LOXHD1: variants seen among roughly 807,000 people sequenced by gnomAD.
LOXHD1 encodes the protein lipoxygenase homology domain-containing protein 1.
A neutral mutation model predicts 248.2 loss-of-function variants in LOXHD1; 205 were observed. That is an observed-to-expected ratio of 0.83 (90% CI 0.74 to 0.93). The LOEUF is 0.93. Ranked by LOEUF, LOXHD1 falls within the 40% of genes least tolerant of loss-of-function variation. The pLI is 0.00. For missense variants in LOXHD1, 2,930 were observed against 2,971.6 expected (o/e 0.99, Z 0.33); for synonymous variants, 1,113 against 1,162.8 (o/e 0.96, Z 0.87).
In LOXHD1 at chr18:46,577,724, C is replaced by A. The variant is rs1204799786; in HGVS notation, c.1953G>T (p.Val651=). Reference sequence around the variant, plus strand: ...GCATGTACCTGAGACATGGGAACTCCACGTTGTCGCTCTCAGGCTGCCCCT... The same window carrying A: ...GCATGTACCTGAGACATGGGAACTCAACGTTGTCGCTCTCAGGCTGCCCCT... The part of the protein sequence containing the change: ...REEGQPESDN[V]EFPCLRWLDK... Residue 651 remains valine, a synonymous_variant, in exon 14 of 41, where the codon GTG becomes GTT. Transcript: ENST00000642948. 1 of 1,551,324 alleles carries A rather than the reference C, an allele frequency of 6.4e-7. No individual in the cohort carries two copies. Among genetic ancestry groups the A allele is most frequent in the Non-Finnish European group, 8.7e-7 (1 of 1,146,806 alleles).
rs1415477162 is a variant in LOXHD1, at chr18:46,541,820, C to T, written c.3869G>A (p.Arg1290Lys). The change falls in exon 25 of 41, where the codon AGA becomes AAA. Residue 1290 changes from arginine (R) to lysine (K), a missense_variant. Arg to Lys is a conservative substitution (Grantham distance 26). Coordinates refer to ENST00000642948, the MANE Select transcript of LOXHD1 (RefSeq NM_001384474.1). The part of the protein sequence containing the change: ...AKNEDDGSII[R>K]DLFHAELQTR... ...CTGAAGCTCTGCATGGAAGAGGTCT[C>T]TGATGATGGACCCGTCGTCTTCGTT... is the stretch of plus-strand genomic sequence containing the variant. The T allele has an allele frequency of 6.4e-7, 1 of 1,551,710 alleles. No individual in the cohort carries two copies. Among genetic ancestry groups the T allele is most frequent in the Admixed American group, 2.0e-5 (1 of 51,004 alleles).
chr18:46,484,778 T>A (rs1204939325), intron 39 of LOXHD1, among the ~76,000 whole-genome samples: 1 of 152,192 alleles, frequency 6.6e-6, no homozygotes, highest in East Asian at 1.9e-4. Context: ...ATGTTTGGAC[T>A]GAGTAGCACT....
At chr18:46,511,867 G>T (rs543934074) in intron 34 of LOXHD1, among the ~76,000 whole-genome samples, 1 of 152,180 alleles carries the variant, frequency 6.6e-6, no homozygotes, top group Non-Finnish European at 1.5e-5. Context: ...CCTCCTTCCA[G>T]TCTGAAGTTC....
chr18:46,543,675 C>G (rs561878338), intron 23 of LOXHD1, among the ~76,000 whole-genome samples: 1 of 152,250 alleles, frequency 6.6e-6, no homozygotes, highest in East Asian at 1.9e-4. Flanking sequence ...TGTTCTTTCA[C>G]TGAGTTTTAC....
At position 46,507,531 on chromosome 18, in the gene LOXHD1, G is replaced by A. The variant is rs1414109612; in HGVS notation, c.5692+7C>T. 22 of 1,551,430 alleles carry A rather than the reference G, an allele frequency of 1.4e-5. No individual in the cohort carries two copies. The highest frequency in any genetic ancestry group is 1.7e-5 in the Non-Finnish European group (19 of 1,146,934). The stretch of plus-strand genomic sequence containing the variant: ...GGAGCGGGAGGTGTGAGGGACCCCC[G>A]ACCCACCCAGGATGTCGCTGGTCTT... On this transcript the variant is annotated splice_region_variant and intron_variant, in intron 36 of 40. Transcript: ENST00000642948.
At chr18:46,625,981 TACTACTGGAATGTC>T (rs901725057) in intron 4 of LOXHD1, among the ~76,000 whole-genome samples, 1 of 152,218 alleles carries the variant, frequency 6.6e-6, no homozygotes, top group Non-Finnish European at 1.5e-5. Context: ...ACTTCTTGTA[TACTACTGGAATGTC>T]ACCCAGCCTT....
intron 14 of LOXHD1, among the ~76,000 whole-genome samples, chr18:46,574,420 C>CA (rs1568195079): frequency 6.9e-6 from 1 of 144,150 alleles, no homozygotes; most frequent in African/African-American, 2.8e-5. Flanking sequence ...CACACACACA[C>CA]CTGATCCTAG....
At chr18:46,592,662 G>T in intron 10 of LOXHD1, 78 bp from the exon 11 acceptor site, 1 of 1,220,752 alleles carries the variant, frequency 8.2e-7, no homozygotes, top group Admixed American at 2.0e-5. Context: ...CCACTCTCAG[G>T]AGGGTACCTG....
At chr18:46,604,291 C>T (rs1271071782) in intron 6 of LOXHD1, 62 bp from the exon 7 acceptor site, 2 of 1,537,948 alleles carry the variant, frequency 1.3e-6, no homozygotes, top group Non-Finnish European at 1.8e-6. Context: ...ACCTGGAGAT[C>T]TAATCCAATC....
chr18:46,566,471 G>A, intron 16 of LOXHD1, 22 bp from the exon 17 acceptor site: 2 of 1,543,552 alleles, frequency 1.3e-6, no homozygotes, highest in South Asian at 2.4e-5. Flanking sequence ...CCGAGTGAGG[G>A]TGAGCAAGGA....
intron 4 of LOXHD1, among the ~76,000 whole-genome samples, chr18:46,627,821 C>G (rs1451508075): frequency 2.6e-5 from 4 of 152,210 alleles, no homozygotes; most frequent in Non-Finnish European, 5.9e-5. Flanking sequence ...CTATAAAGGC[C>G]TCCTGATTCC....
At chr18:46,633,083 T>A (rs936675569) in intron 4 of LOXHD1, among the ~76,000 whole-genome samples, 1 of 152,242 alleles carries the variant, frequency 6.6e-6, no homozygotes, top group African/African-American at 2.4e-5. Context: ...GACTGAAATA[T>A]GGCCTATGGT....
At chr18:46,631,672 C>T (rs1357974172) in intron 4 of LOXHD1, among the ~76,000 whole-genome samples, 4 of 152,196 alleles carry the variant, frequency 2.6e-5, no homozygotes, top group African/African-American at 9.6e-5. Flanking sequence ...TCCGCAGTTT[C>T]CTATATCACC....
chr18:46,519,005 T>A (rs2144097212), intron 33 of LOXHD1: 1 of 985,486 alleles, frequency 1.0e-6, no homozygotes, highest in South Asian at 4.7e-5. Flanking sequence ...GCCCTCTGTC[T>A]CCACTGGAGG....
chr18:46,630,873 T>C (rs920677460), intron 4 of LOXHD1, among the ~76,000 whole-genome samples: 2 of 152,138 alleles, frequency 1.3e-5, no homozygotes, highest in African/African-American at 4.8e-5. Context: ...TACAGGGACC[T>C]CAGAGAACAT....
At position 46,601,208 on chromosome 18, in the gene LOXHD1, A is replaced by T. The variant is rs1304926338; in HGVS notation, c.1134+9T>A. ...ATCAGGGAAGGCTGTCTCTGGGGGCATCCCTTACCTTCTCACAGAACCAGC... is the reference window on the plus strand; with the variant it reads ...ATCAGGGAAGGCTGTCTCTGGGGGCTTCCCTTACCTTCTCACAGAACCAGC... On this transcript the variant is annotated intron_variant, in intron 8 of 40. Coordinates refer to ENST00000642948, the MANE Select transcript of LOXHD1 (RefSeq NM_001384474.1). 1 of 1,548,324 alleles carries T rather than the reference A, an allele frequency of 6.5e-7. No individual in the cohort carries two copies. Among genetic ancestry groups the T allele is most frequent in the South Asian group, 1.2e-5 (1 of 83,994 alleles).
chr18:46,521,417 G>A, intron 32 of LOXHD1, 135 bp from the exon 33 acceptor site: 1 of 988,334 alleles, frequency 1.0e-6, no homozygotes, highest in Non-Finnish European at 1.5e-6. Flanking sequence ...CCATGAAGGT[G>A]AAGAGATTTT....
Position 46,477,751 on chromosome 18 carries a change from G to C in LOXHD1, c.6543C>G (p.Ala2181=). The stretch of plus-strand genomic sequence containing the variant: ...GCTCCCGCTTGCCTGTGTCTCCGTT[G>C]GCCCCAAAGATGGTCACGAAGACGT... The part of the protein sequence containing the change: ...DANVFVTIFG[A]NGDTGKRELK... The change falls in exon 41 of 41, where the codon GCC becomes GCG. Residue 2181 remains alanine (A), a synonymous_variant. Transcript: ENST00000642948. 6.4e-7 allele frequency: 1 copy of C among 1,551,932 alleles called. No individual in the cohort carries two copies. Among genetic ancestry groups the C allele is most frequent in the Non-Finnish European group, 8.7e-7 (1 of 1,147,050 alleles).
At chr18:46,555,394 G>T in intron 21 of LOXHD1, 1 of 292,406 alleles carries the variant, frequency 3.4e-6, no homozygotes, top group Non-Finnish European at 6.8e-6. Flanking sequence ...CTGTCCTACG[G>T]TCTTTATGTG....
Sources: gnomAD v4.1 joint callset for allele counts (sites outside exome capture counted in the v4.1 genomes callset) on GRCh38, gnomAD v4.1.1 for gene constraint, MANE v1.5 for transcripts, NCBI Gene and HGNC (gene_info 2026-07-23, HGNC 2026-07-21) for gene names.